Variants in SMURF1 observed in about 807,000 individuals in gnomAD.
The protein encoded by SMURF1 is SMAD specific E3 ubiquitin protein ligase 1.
Under a neutral mutation model 98.0 loss-of-function variants are expected in SMURF1, and 44 were observed. The observed-to-expected ratio is 0.45, with a 90% CI of 0.35 to 0.58. The LOEUF (loss-of-function observed/expected upper bound fraction) is 0.58. Ranked by LOEUF, SMURF1 falls within the 20% of genes least tolerant of loss-of-function variation. The pLI is 0.00. For missense variants in SMURF1, 687 were observed against 938.4 expected, an observed-to-expected ratio of 0.73 and a Z score of 3.50; for synonymous variants, 396 against 374.9, an observed-to-expected ratio of 1.06 and a Z score of -0.65.
At chr7:99,040,293 A>ACGCG (rs3033104) in intron 13 of SMURF1, 85 bp downstream of exon 13, 32 of 1,240,754 alleles carry the variant, frequency 2.6e-5, no homozygotes, top group South Asian at 1.2e-4. Context: ...ATACACACAC[A>ACGCG]CGCGCGCGCG....
chr7:99,104,184 G>A (rs1041403467), intron 1 of SMURF1, among the ~76,000 whole-genome samples: 9 of 152,120 alleles, frequency 5.9e-5, no homozygotes, highest in South Asian at 2.1e-4. Context: ...ATGGTGCCCC[G>A]CCGGGACACA....
intron 11 of SMURF1, among the ~76,000 whole-genome samples, chr7:99,044,051 C>T (rs1247347406): frequency 1.3e-5 from 2 of 152,182 alleles, no homozygotes; most frequent in East Asian, 3.9e-4. Flanking sequence ...GCAGTAGAGA[C>T]AGTGAAAGCT....
intron 1 of SMURF1, among the ~76,000 whole-genome samples, chr7:99,077,994 TA>T (rs995144649): frequency 4.7e-5 from 7 of 149,794 alleles, no homozygotes; most frequent in East Asian, 2.0e-4. Flanking sequence ...TGTCTTTATT[TA>T]AAAAAAAAAT....
chr7:99,136,099 T>C (rs931518900), intron 1 of SMURF1, among the ~76,000 whole-genome samples: 10 of 152,202 alleles, frequency 6.6e-5, no homozygotes, highest in African/African-American at 2.2e-4. Context: ...AGGAAGCTGA[T>C]GATCGCTTGA....
At chr7:99,049,090 C>CAA (rs548044588) in intron 9 of SMURF1, 15 of 69,462 alleles carry the variant, frequency 2.2e-4, no homozygotes, top group Admixed American at 3.3e-4. Flanking sequence ...GACTCTGTCT[C>CAA]AAAAAAAAAA....
intron 13 of SMURF1, 27 bp downstream of exon 13, chr7:99,040,351 G>A: frequency 2.8e-6 from 4 of 1,441,390 alleles, no homozygotes; most frequent in Non-Finnish European, 3.7e-6. Flanking sequence ...CCCTAAGCCA[G>A]GTGACCGGCC....
chr7:99,065,915 G>A (rs1468596161), intron 1 of SMURF1, among the ~76,000 whole-genome samples: 2 of 152,134 alleles, frequency 1.3e-5, no homozygotes, highest in Non-Finnish European at 2.9e-5. Flanking sequence ...GTGTGGAGGT[G>A]CGTGCCTGTA....
In SMURF1 at chr7:99,029,737, A is replaced by G. The variant is rs1230271268; in HGVS notation, c.*847T>C. The stretch of plus-strand genomic sequence containing the variant: ...GCTCTTCTATGGACAACAGTGGCAC[A>G]GAGGTCACAGCTTTGGGACTGACTG... On this transcript the variant is annotated 3_prime_UTR_variant, in exon 18 of 18. Transcript: ENST00000361368. The G allele has an allele frequency of 6.6e-6, 1 of 152,254 alleles. No homozygotes were observed. The highest frequency in any genetic ancestry group is 1.9e-4 in the East Asian group (1 of 5,200). The allele number at this position is 152,254 out of a possible 1,614,324, so 9.4% of individuals were successfully genotyped here.
At chr7:99,130,930 G>C (rs1172755035) in intron 1 of SMURF1, among the ~76,000 whole-genome samples, 1 of 152,326 alleles carries the variant, frequency 6.6e-6, no homozygotes, top group Non-Finnish European at 1.5e-5. Context: ...TTAGGCCAAT[G>C]AGACAAGAGG....
rs538571910 is a variant in SMURF1 at position 99,030,258 on chromosome 7, C to T, written c.*326G>A. On this transcript the variant is annotated 3_prime_UTR_variant, in exon 18 of 18. Transcript: ENST00000361368. ...TGTGAGTTGATGCTCCCGTAAAGAGCTCAGGGCTGTGAGCCTTATCACCAC... is the reference window on the plus strand; with the variant it reads ...TGTGAGTTGATGCTCCCGTAAAGAGTTCAGGGCTGTGAGCCTTATCACCAC... 72 of 295,998 alleles carry T rather than the reference C, an allele frequency of 2.4e-4. No homozygotes were observed. The highest frequency in any genetic ancestry group is 1.4e-3 in the African/African-American group (66 of 46,458). 18.3% of individuals were successfully genotyped at this position (295,998 alleles called of 1,614,324 possible). A position where few individuals can be genotyped will look rare whatever the true frequency, so the allele number is the denominator to read the frequency against.
chr7:99,126,715 C>T (rs563427600), intron 1 of SMURF1, among the ~76,000 whole-genome samples: 9 of 152,174 alleles, frequency 5.9e-5, no homozygotes, highest in East Asian at 1.9e-4. Context: ...CAGATATTTG[C>T]GTGGCAACAC....
intron 1 of SMURF1, among the ~76,000 whole-genome samples, chr7:99,084,900 A>G (rs11972846): frequency 0.46 from 70,177 of 151,840 alleles, 17,715 homozygotes; most frequent in Non-Finnish European, 0.57. Context: ...CTCATGAATG[A>G]TTTAACACCA....
At chr7:99,122,294 C>A in intron 1 of SMURF1, among the ~76,000 whole-genome samples, 1 of 149,248 alleles carries the variant, frequency 6.7e-6, no homozygotes, top group East Asian at 2.0e-4. Context: ...GGCCACCGCA[C>A]TCCAGCCTGG....
intron 1 of SMURF1, among the ~76,000 whole-genome samples, chr7:99,081,757 AT>A (rs751527285): frequency 6.6e-6 from 1 of 152,160 alleles, no homozygotes; most frequent in Non-Finnish European, 1.5e-5. Flanking sequence ...GGTTCAAGCT[AT>A]TCTCCTGCCT....
At chr7:99,118,650 G>C (rs1797517698) in intron 1 of SMURF1, among the ~76,000 whole-genome samples, 1 of 152,224 alleles carries the variant, frequency 6.6e-6, no homozygotes, top group Non-Finnish European at 1.5e-5. Flanking sequence ...GGAACAGAAA[G>C]TGACTGCTAA....
At chr7:99,143,577 G>A in intron 1 of SMURF1, 149 bp downstream of exon 1, 1 of 588,624 alleles carries the variant, frequency 1.7e-6, no homozygotes, top group South Asian at 2.5e-5. Context: ...GGCCAGGAGG[G>A]AGAAGCGAGG....
At chr7:99,135,358 CTT>C (rs1409748615) in intron 1 of SMURF1, among the ~76,000 whole-genome samples, 2 of 152,232 alleles carry the variant, frequency 1.3e-5, no homozygotes, top group African/African-American at 4.8e-5. Context: ...TCTCCTCTCT[CTT>C]TCCTCTGAAG....
intron 1 of SMURF1, among the ~76,000 whole-genome samples, chr7:99,063,281 AT>A (rs1796104707): frequency 5.3e-5 from 1 of 18,766 alleles, no homozygotes; most frequent in African/African-American, 1.2e-4. Context: ...ATATATATAT[AT>A]ATATATATAT....
At chr7:99,062,565 C>T (rs1017202734) in intron 1 of SMURF1, among the ~76,000 whole-genome samples, 2 of 152,102 alleles carry the variant, frequency 1.3e-5, no homozygotes, top group African/African-American at 4.8e-5. Context: ...GAACTTAGCA[C>T]AGGCTGGGCA....
Sources: gnomAD v4.1 joint callset for allele counts (sites outside exome capture counted in the v4.1 genomes callset) on GRCh38, gnomAD v4.1.1 for gene constraint, MANE v1.5 for transcripts, NCBI Gene and HGNC (gene_info 2026-07-23, HGNC 2026-07-21) for gene names.